Variants in KLHL18 observed in about 807,000 individuals in gnomAD.
KLHL18 encodes the protein kelch like family member 18, also known as kelch-like protein 18.
In KLHL18, 38 loss-of-function variants were observed where a neutral mutation model predicts 58.5. That is an observed-to-expected ratio of 0.65 (90% CI 0.50 to 0.85). KLHL18 has a LOEUF of 0.85. Ranked by LOEUF, KLHL18 falls within the 40% of genes least tolerant of loss-of-function variation. KLHL18 has a pLI of 0.00. For missense variants in KLHL18, 624 were observed against 778.4 expected, an observed-to-expected ratio of 0.80 and a Z score of 2.36; for synonymous variants, 303 against 301.9, an observed-to-expected ratio of 1.00 and a Z score of -0.04.
rs574009044 is a variant in KLHL18 at position 47,336,960 on chromosome 3, A to T, written c.1121+203A>T. The T allele has an allele frequency of 7.0e-6, 4 of 572,602 alleles. No individual in the cohort carries two copies. The African/African-American group carries it at 7.5e-5, about 11-fold the overall frequency. 35.5% of individuals were successfully genotyped at this position (572,602 alleles called of 1,614,324 possible). A position where few individuals can be genotyped will look rare whatever the true frequency, so the allele number is the denominator to read the frequency against. ...AAATATCCACCTTGTCCTTTGGGGA[A>T]CTTGGGGAGACCAGGCATGGACATG... On this transcript the variant is annotated intron_variant, in intron 7 of 9. Transcript: ENST00000232766.
At chr3:47,338,854 A>G (rs2107661090) in intron 7 of KLHL18, 1 of 152,288 alleles carries the variant, frequency 6.6e-6, no homozygotes, top group East Asian at 1.9e-4. Flanking sequence ...TAAGCCTGGT[A>G]TGTTTTATTT....
chr3:47,343,519 G>C, intron 9 of KLHL18, 36 bp from the exon 10 acceptor site: 1 of 1,611,048 alleles, frequency 6.2e-7, no homozygotes, highest in Non-Finnish European at 8.5e-7. Flanking sequence ...CTTTGCCTCT[G>C]ACTGTCCTGT....
rs1210233032 is a variant in KLHL18 at position 47,316,569 on chromosome 3, ATG to A, written c.130-3078_130-3077del. Among the ~76,000 whole-genome samples, 60 of 113,386 alleles carry A rather than the reference ATG, an allele frequency of 5.3e-4. 1 individual carries two copies. Among genetic ancestry groups the A allele is most frequent in the South Asian group, 8.3e-4 (3 of 3,618 alleles). The allele number at this position is 113,386 out of a possible 152,430, so 74.4% of individuals were successfully genotyped here. ...TATACATATATACATATATATGTAT[ATG>A]TGTGTATATATATACATATATACGT... On this transcript the variant is annotated intron_variant, in intron 1 of 9. Transcript: ENST00000232766.
At chr3:47,324,298 CTTTTTTTTTTTTTTTTTTTT>C (rs769288621) in intron 3 of KLHL18, among the ~76,000 whole-genome samples, 1 of 37,486 alleles carries the variant, frequency 2.7e-5, no homozygotes, top group Non-Finnish European at 4.7e-5. Context: ...TTCTTTCTTT[CTTTTTTTTTTTTTTTTTTTT>C]TTTTTTCTGT....
chr3:47,296,183 C>T (rs1386525726), intron 1 of KLHL18, among the ~76,000 whole-genome samples: 1 of 152,150 alleles, frequency 6.6e-6, no homozygotes, highest in East Asian at 1.9e-4. Flanking sequence ...GAAGCATTGC[C>T]GCCACACATT....
In KLHL18 at chr3:47,344,316, C is replaced by G; in HGVS notation, c.*375C>G. The G allele has an allele frequency of 3.6e-6, 1 of 281,530 alleles. No homozygotes were observed. The highest frequency in any genetic ancestry group is 6.8e-6 in the Non-Finnish European group (1 of 147,476). 17.4% of individuals were successfully genotyped at this position (281,530 alleles called of 1,614,324 possible). A position where few individuals can be genotyped will look rare whatever the true frequency, so the allele number is the denominator to read the frequency against. ...CCCCATCGCCTGCTTGCTCTCCAGC[C>G]GAGTCTGGCCAATTTGCCATGGGGA... On this transcript the variant is annotated 3_prime_UTR_variant, in exon 10 of 10. Coordinates refer to ENST00000232766, the MANE Select transcript of KLHL18 (RefSeq NM_025010.5).
chr3:47,330,214 T>G, intron 4 of KLHL18, 65 bp downstream of exon 4: 1 of 1,444,060 alleles, frequency 6.9e-7, no homozygotes, highest in Non-Finnish European at 9.6e-7. Flanking sequence ...GTCATTGTTT[T>G]GTTTATGTAT....
chr3:47,321,326 T>G (rs1294897428), intron 2 of KLHL18, among the ~76,000 whole-genome samples: 3 of 151,266 alleles, frequency 2.0e-5, no homozygotes, highest in Admixed American at 2.0e-4. Flanking sequence ...ACCTGCCGTT[T>G]TTTTTTTTTG....
In KLHL18 at chr3:47,343,808, G is replaced by T. The variant is rs1704166864; in HGVS notation, c.1592G>T (p.Gly531Val). The T allele has an allele frequency of 3.7e-6, 6 of 1,614,206 alleles. No individual in the cohort carries two copies. Among genetic ancestry groups the T allele is most frequent in the Non-Finnish European group, 5.1e-6 (6 of 1,180,042 alleles). The change falls in exon 10 of 10, where the codon GGC (glycine) becomes GTC (valine). Residue 531 changes from glycine to valine, a missense_variant. Physicochemically the swap from Gly to Val is moderately radical, Grantham distance 109 (BLOSUM62 -3). Coordinates refer to ENST00000232766, the MANE Select transcript of KLHL18 (RefSeq NM_025010.5). ...ASCGRLYAVG[G>V]YDGQSNLSSV... ...TGTGGGCGCCTCTACGCTGTTGGGG[G>T]CTACGACGGACAGTCAAACCTAAGC...
intron 1 of KLHL18, among the ~76,000 whole-genome samples, chr3:47,292,904 C>CAA (rs35830922): frequency 1.8e-5 from 2 of 109,344 alleles, no homozygotes; most frequent in African/African-American, 3.3e-5. Flanking sequence ...GACCCTGTCT[C>CAA]AAAAAAAAAA....
intron 8 of KLHL18, 42 bp downstream of exon 8, chr3:47,340,718 C>G (rs928211265): frequency 2.5e-6 from 4 of 1,609,962 alleles, no homozygotes; most frequent in Non-Finnish European, 3.4e-6. Context: ...AGCTTATAAA[C>G]AGAGAGTATA....
intron 2 of KLHL18, among the ~76,000 whole-genome samples, chr3:47,322,118 A>C (rs1056091986): frequency 1.3e-5 from 2 of 152,248 alleles, no homozygotes; most frequent in Admixed American, 6.5e-5. Context: ...TCTAACAGCA[A>C]TAAGATGGTA....
intron 1 of KLHL18, among the ~76,000 whole-genome samples, chr3:47,302,407 C>T (rs1310019511): frequency 6.6e-6 from 1 of 152,326 alleles, no homozygotes; most frequent in South Asian, 2.1e-4. Context: ...ATTGCTTAAA[C>T]CCAGGAGGCG....
At chr3:47,310,697 G>A (rs749398200) in intron 1 of KLHL18, among the ~76,000 whole-genome samples, 3 of 152,058 alleles carry the variant, frequency 2.0e-5, no homozygotes, top group Non-Finnish European at 1.5e-5. Context: ...CTAAGTATAT[G>A]GCACCTCCAC....
At chr3:47,333,708 A>G (rs1235308440) in intron 5 of KLHL18, among the ~76,000 whole-genome samples, 1 of 152,174 alleles carries the variant, frequency 6.6e-6, no homozygotes, top group Non-Finnish European at 1.5e-5. Context: ...CTCTTCAGTA[A>G]ATATTAGTCA....
At chr3:47,307,136 A>C (rs1195685755) in intron 1 of KLHL18, among the ~76,000 whole-genome samples, 2 of 152,140 alleles carry the variant, frequency 1.3e-5, no homozygotes, top group African/African-American at 4.8e-5. Flanking sequence ...CAGTGGCAAG[A>C]TCCTGGCTCA....
At chr3:47,341,221 A>C (rs890341368) in intron 8 of KLHL18, among the ~76,000 whole-genome samples, 13 of 152,234 alleles carry the variant, frequency 8.5e-5, no homozygotes, top group Admixed American at 1.3e-4. Flanking sequence ...ACACTCTTTG[A>C]AAAACATTGA....
chr3:47,333,486 G>A (rs1460641957), intron 5 of KLHL18, among the ~76,000 whole-genome samples, 169 bp downstream of exon 5: 1 of 152,250 alleles, frequency 6.6e-6, no homozygotes, highest in Non-Finnish European at 1.5e-5. Flanking sequence ...AGTGTGAAGA[G>A]CCCGAATCTT....
intron 1 of KLHL18, among the ~76,000 whole-genome samples, chr3:47,298,401 C>A (rs1398536828): frequency 1.3e-5 from 2 of 149,684 alleles, no homozygotes; most frequent in Admixed American, 6.7e-5. Context: ...GGGTTTGGAT[C>A]TGACTTGTAG....
Sources: allele counts gnomAD v4.1 joint callset (sites outside exome capture counted in the v4.1 genomes callset), GRCh38; gene constraint gnomAD v4.1.1; transcripts MANE v1.5; gene names NCBI Gene and HGNC (gene_info 2026-07-23, HGNC 2026-07-21).